Variants in VPS37C observed in about 807,000 individuals in gnomAD.
VPS37C encodes the protein vacuolar protein sorting-associated protein 37C.
A neutral mutation model predicts 16.1 loss-of-function variants in VPS37C; 9 were observed. That is an observed-to-expected ratio of 0.56 (90% confidence interval 0.34 to 0.97). VPS37C has a LOEUF of 0.97. Ranked by LOEUF, VPS37C falls within the 50% of genes least tolerant of loss-of-function variation. VPS37C has a pLI of 0.02. For synonymous variants in VPS37C, 207 were observed against 206.4 expected, an observed-to-expected ratio of 1.00 and a Z score of -0.02; for missense variants, 479 against 472.7, an observed-to-expected ratio of 1.01 and a Z score of -0.12.
rs1311936141 is a variant in VPS37C at position 61,137,835 on chromosome 11, G to GAGCAGGC, written c.93+895_93+901dup. ...GTTAAGATTCCTCACTTAGGCAGTA[G>GAGCAGGC]AGCAGGCAGCAGGCAGCAAGAGCAC... On this transcript the variant is annotated intron_variant, in intron 2 of 4. Coordinates refer to ENST00000301765, the MANE Select transcript of VPS37C (RefSeq NM_017966.5). Among the ~76,000 whole-genome samples the GAGCAGGC allele has an allele frequency of 7.9e-5, 12 of 152,274 alleles. 1 individual carries two copies. The East Asian group carries it at 1.9e-3, about 25-fold the overall frequency.
Position 61,131,562 on chromosome 11 carries a change from G to A in VPS37C, c.*258C>T, listed in dbSNP as rs1861259558. On this transcript the variant is annotated 3_prime_UTR_variant, in exon 5 of 5. Transcript: ENST00000301765. ...CACACAGACACCGGCGAGAGGTGCT[G>A]GACTCCAGCCTGGCTAGCACCGCTG... is the stretch of plus-strand genomic sequence containing the variant. 3 of 413,806 alleles carry A rather than the reference G, an allele frequency of 7.2e-6. No homozygotes were observed. The highest frequency in any genetic ancestry group is 1.2e-5 in the Non-Finnish European group (3 of 243,786). 25.6% of individuals were successfully genotyped at this position (413,806 alleles called of 1,614,324 possible).
Position 61,132,458 on chromosome 11 carries a change from G to A in VPS37C, c.430C>T (p.His144Tyr). Residue 144 changes from histidine (H) to tyrosine (Y), a missense_variant, in exon 5 of 5, where the codon CAC (histidine) becomes TAC (tyrosine). Physicochemically the swap from His to Tyr is moderately conservative, Grantham distance 83. Transcript: ENST00000301765. ...ENFSSMRMLS[H>Y]LRRVRVEKLQ... ...TTTTCCACGCGAACCCGGCGCAGGT[G>A]GGACAGCATCCTCATGGAGGAAAAA... is the stretch of plus-strand genomic sequence containing the variant. 6.2e-7 allele frequency: 1 copy of A among 1,613,080 alleles called. No individual in the cohort carries two copies. The highest frequency in any genetic ancestry group is 8.5e-7 in the Non-Finnish European group (1 of 1,179,682).
chr11:61,158,471 G>T (rs1211559544), intron 1 of VPS37C, among the ~76,000 whole-genome samples: 8 of 152,174 alleles, frequency 5.3e-5, no homozygotes. Flanking sequence ...GACCACAGAA[G>T]AAGTCTCAGC....
chr11:61,137,586 G>A (rs1051299985), intron 2 of VPS37C, among the ~76,000 whole-genome samples: 2 of 152,188 alleles, frequency 1.3e-5, no homozygotes, highest in African/African-American at 4.8e-5. Context: ...GCTGCACTGT[G>A]CCCAGCACCA....
intron 3 of VPS37C, 135 bp downstream of exon 3, chr11:61,133,901 A>T: frequency 9.7e-7 from 1 of 1,032,188 alleles, no homozygotes; most frequent in South Asian, 2.1e-5. Context: ...TATAAAATGG[A>T]GTAACAACAG....
intron 1 of VPS37C, among the ~76,000 whole-genome samples, chr11:61,153,480 G>C (rs1244636225): frequency 1.3e-5 from 2 of 152,090 alleles, no homozygotes; most frequent in African/African-American, 4.8e-5. Flanking sequence ...AATACACCAG[G>C]CATCCAAGGA....
At chr11:61,148,740 T>C (rs1380696169) in intron 1 of VPS37C, among the ~76,000 whole-genome samples, 2 of 152,236 alleles carry the variant, frequency 1.3e-5, no homozygotes, top group Non-Finnish European at 1.5e-5. Flanking sequence ...CTTTTTTTTC[T>C]TTTAAGAGAT....
At chr11:61,137,059 AC>A (rs1323695476) in intron 2 of VPS37C, among the ~76,000 whole-genome samples, 1 of 152,152 alleles carries the variant, frequency 6.6e-6, no homozygotes, top group Non-Finnish European at 1.5e-5. Flanking sequence ...AACCATTTTG[AC>A]TAACTTTCCT....
chr11:61,135,138 C>G (rs1357518869), intron 2 of VPS37C, among the ~76,000 whole-genome samples: 2 of 152,140 alleles, frequency 1.3e-5, no homozygotes, highest in Non-Finnish European at 2.9e-5. Flanking sequence ...TGCAGCTTCT[C>G]TGTGCAGCTT....
chr11:61,142,348 CA>C (rs1197292210), intron 1 of VPS37C, among the ~76,000 whole-genome samples: 1 of 152,196 alleles, frequency 6.6e-6, no homozygotes, highest in African/African-American at 2.4e-5. Context: ...CCTCCCACCT[CA>C]GCCTCCTAAG....
intron 1 of VPS37C, among the ~76,000 whole-genome samples, chr11:61,159,712 T>A (rs1309556289): frequency 8.6e-6 from 1 of 116,568 alleles, no homozygotes. Context: ...AGACTCCGTC[T>A]CAAAAAAAAA....
At chr11:61,152,891 A>G (rs971834040) in intron 1 of VPS37C, among the ~76,000 whole-genome samples, 3 of 152,198 alleles carry the variant, frequency 2.0e-5, no homozygotes, top group South Asian at 2.1e-4. Context: ...TCCATCCCTC[A>G]AAAGCCAGCA....
Position 61,131,753 on chromosome 11 carries a change from C to T in VPS37C, c.*67G>A, listed in dbSNP as rs2232146. On this transcript the variant is annotated 3_prime_UTR_variant, in exon 5 of 5. Coordinates refer to ENST00000301765, the MANE Select transcript of VPS37C (RefSeq NM_017966.5). Reference sequence around the variant, plus strand: ...CCACTTCCAGTTGACCCTCGAATCTCGGCGATGGCTGGGCCAAAGGTTGAG... The same window carrying T: ...CCACTTCCAGTTGACCCTCGAATCTTGGCGATGGCTGGGCCAAAGGTTGAG... The T allele has an allele frequency of 3.6e-5, 45 of 1,235,638 alleles. No homozygotes were observed. The East Asian group carries it at 1.1e-3, about 30-fold the overall frequency. The allele number at this position is 1,235,638 out of a possible 1,614,324, so 76.5% of individuals were successfully genotyped here.
chr11:61,154,606 C>T (rs1428661105), intron 1 of VPS37C, among the ~76,000 whole-genome samples: 2 of 151,822 alleles, frequency 1.3e-5, no homozygotes, highest in Non-Finnish European at 2.9e-5. Flanking sequence ...CCCTTACATA[C>T]ATGTAACTGG....
intron 1 of VPS37C, among the ~76,000 whole-genome samples, chr11:61,158,210 A>T (rs1853408568): frequency 6.6e-6 from 1 of 152,282 alleles, no homozygotes; most frequent in Admixed American, 6.5e-5. Context: ...AATTAACAGC[A>T]GAGCTTCAAA....
intron 1 of VPS37C, among the ~76,000 whole-genome samples, chr11:61,149,833 C>G (rs1455094774): frequency 6.6e-6 from 1 of 152,198 alleles, no homozygotes; most frequent in Non-Finnish European, 1.5e-5. Flanking sequence ...TGTCCAGAGG[C>G]AGGGCCGTCA....
At chr11:61,145,283 C>T (rs1401372721) in intron 1 of VPS37C, 1 of 152,240 alleles carries the variant, frequency 6.6e-6, no homozygotes, top group African/African-American at 2.4e-5. Flanking sequence ...CCCACCTGCT[C>T]GGCAGGCCCA....
chr11:61,139,088 C>A (rs943879185), intron 1 of VPS37C, among the ~76,000 whole-genome samples: 2 of 152,134 alleles, frequency 1.3e-5, no homozygotes, highest in Non-Finnish European at 2.9e-5. Flanking sequence ...GTACTTGCAG[C>A]CAGAAGCAAA....
chr11:61,142,975 TAAAA>T, intron 1 of VPS37C, among the ~76,000 whole-genome samples: 4 of 47,588 alleles, frequency 8.4e-5, no homozygotes, highest in African/African-American at 3.0e-4. Flanking sequence ...AAAGAATAGC[TAAAA>T]AAAAAAAAAA....
Sources: allele counts gnomAD v4.1 joint callset (sites outside exome capture counted in the v4.1 genomes callset), GRCh38; gene constraint gnomAD v4.1.1; transcripts MANE v1.5; gene names NCBI Gene and HGNC (gene_info 2026-07-23, HGNC 2026-07-21).